TCERG1L: variants seen among roughly 807,000 people sequenced by gnomAD.
TCERG1L encodes transcription elongation regulator 1 like.
Under a neutral mutation model 56.3 loss-of-function variants are expected in TCERG1L, and 37 were observed. The observed-to-expected ratio is 0.66, with a 90% CI of 0.51 to 0.87. The LOEUF is 0.87. Among genes scored for constraint, TCERG1L ranks in the 40% least tolerant of loss-of-function variants. The pLI is 0.00. For missense variants in TCERG1L, 799 were observed against 774.2 expected, an observed-to-expected ratio of 1.03 and a Z score of -0.38; for synonymous variants, 324 against 326.3, an observed-to-expected ratio of 0.99 and a Z score of 0.08.
At chr10:131,241,513 A>G (rs1845971965) in intron 4 of TCERG1L, among the ~76,000 whole-genome samples, 1 of 152,148 alleles carries the variant, frequency 6.6e-6, no homozygotes, top group South Asian at 2.1e-4. Context: ...AAAACATAAG[A>G]GAGGACATGC....
At chr10:131,223,103 G>A (rs939243490) in intron 4 of TCERG1L, among the ~76,000 whole-genome samples, 3 of 152,290 alleles carry the variant, frequency 2.0e-5, no homozygotes, top group African/African-American at 7.2e-5. Context: ...AGAGGATGCC[G>A]GTCAGCCTGC....
intron 6 of TCERG1L, among the ~76,000 whole-genome samples, chr10:131,155,086 G>A (rs1417881640): frequency 6.6e-6 from 1 of 152,148 alleles, no homozygotes; most frequent in African/African-American, 2.4e-5. Context: ...AAAAAGACAC[G>A]AGGAAAGAGT....
chr10:131,260,318 G>A lies in TCERG1L; in HGVS notation c.797C>T (p.Pro266Leu), dbSNP rs1279366155. The change falls in exon 4 of 12, where the codon CCG (proline) becomes CTG (leucine). Residue 266 changes from proline to leucine, a missense_variant. Coordinates refer to ENST00000368642, the MANE Select transcript of TCERG1L (RefSeq NM_174937.4). The surrounding 1 kb of genome is among the most constrained non-coding windows in gnomAD (Gnocchi z 5.8). ...LRGPSPSSVQ[P>L]RHFLTLAPIK... ...GGGTGCCAAGGTCAGGAAGTGGCGCGGCTGCACGCTGGAGGGGGACGGGCC... is the reference window on the plus strand; with the variant it reads ...GGGTGCCAAGGTCAGGAAGTGGCGCAGCTGCACGCTGGAGGGGGACGGGCC... 15 of 1,454,926 alleles carry A rather than the reference G, an allele frequency of 1.0e-5. No individual in the cohort carries two copies. The highest frequency in any genetic ancestry group is 3.7e-4 in the Middle Eastern group (2 of 5,350). 90.1% of individuals were successfully genotyped at this position (1,454,926 alleles called of 1,614,324 possible).
chr10:131,143,337 C>T (rs1050770158), intron 7 of TCERG1L, among the ~76,000 whole-genome samples: 1 of 152,142 alleles, frequency 6.6e-6, no homozygotes, highest in Non-Finnish European at 1.5e-5. Context: ...GGCTCCGGGT[C>T]CTCCTCGACC....
chr10:131,138,067 G>A (rs1845694939), intron 7 of TCERG1L, among the ~76,000 whole-genome samples: 1 of 152,140 alleles, frequency 6.6e-6, no homozygotes, highest in South Asian at 2.1e-4. Context: ...TCAGGAGTTC[G>A]AGACCAGCCT....
intron 3 of TCERG1L, among the ~76,000 whole-genome samples, chr10:131,281,087 T>C (rs1369967572): frequency 6.6e-6 from 1 of 152,236 alleles, no homozygotes; most frequent in African/African-American, 2.4e-5. Context: ...AAAGCCTGCA[T>C]CAATGTTTAT....
At chr10:131,215,601 G>A (rs1391203349) in intron 4 of TCERG1L, among the ~76,000 whole-genome samples, 1 of 152,146 alleles carries the variant, frequency 6.6e-6, no homozygotes, top group Non-Finnish European at 1.5e-5. Context: ...AAGGGATTTC[G>A]GGAGAGTTAG....
chr10:131,264,099 C>A (rs1411979880), intron 3 of TCERG1L, among the ~76,000 whole-genome samples: 3 of 150,114 alleles, frequency 2.0e-5, no homozygotes, highest in Non-Finnish European at 4.4e-5. Flanking sequence ...CATCCCCCTG[C>A]ACTCCCCCTC....
intron 4 of TCERG1L, among the ~76,000 whole-genome samples, chr10:131,177,048 A>G (rs1025207343): frequency 9.1e-6 from 1 of 109,508 alleles, no homozygotes; most frequent in Non-Finnish European, 2.0e-5. Context: ...ATGCACACAC[A>G]CAGACGTATA....
rs1257156867 is a variant in TCERG1L at position 131,092,980 on chromosome 10, T to C, written c.*182A>G. ...TTAGAAATGCATCAAACTCTGAATGTACAAAAGAGAGAGCTTCAATATGAA... is the reference window on the plus strand; with the variant it reads ...TTAGAAATGCATCAAACTCTGAATGCACAAAAGAGAGAGCTTCAATATGAA... On this transcript the variant is annotated 3_prime_UTR_variant, in exon 12 of 12. Transcript: ENST00000368642. 1 of 576,626 alleles carries C rather than the reference T, an allele frequency of 1.7e-6. No homozygotes were observed. Among genetic ancestry groups the C allele is most frequent in the Non-Finnish European group, 3.0e-6 (1 of 333,118 alleles). The allele number at this position is 576,626 out of a possible 1,614,324, so 35.7% of individuals were successfully genotyped here. A position where few individuals can be genotyped will look rare whatever the true frequency, so the allele number is the denominator to read the frequency against.
intron 5 of TCERG1L, among the ~76,000 whole-genome samples, chr10:131,164,921 C>A (rs1031461926): frequency 2.0e-5 from 3 of 152,204 alleles, no homozygotes; most frequent in African/African-American, 7.2e-5. Flanking sequence ...GATGCTGTAC[C>A]AAAACCCAGC....
chr10:131,209,122 A>G (rs560917587), intron 4 of TCERG1L, among the ~76,000 whole-genome samples: 21 of 152,070 alleles, frequency 1.4e-4, no homozygotes, highest in African/African-American at 5.1e-4. Flanking sequence ...AAAATACTCC[A>G]TAAAATTACT....
At chr10:131,216,495 A>G (rs1211326312) in intron 4 of TCERG1L, among the ~76,000 whole-genome samples, 1 of 152,176 alleles carries the variant, frequency 6.6e-6, no homozygotes, top group Non-Finnish European at 1.5e-5. Context: ...TGGAAACTCT[A>G]TAGTAGATTT....
At chr10:131,123,930 T>C (rs751353103) in intron 8 of TCERG1L, among the ~76,000 whole-genome samples, 1 of 152,128 alleles carries the variant, frequency 6.6e-6, no homozygotes, top group Non-Finnish European at 1.5e-5. Context: ...TTTTTGAACA[T>C]CATGTGTTGT....
At chr10:131,154,753 G>T (rs1339628836) in intron 6 of TCERG1L, among the ~76,000 whole-genome samples, 1 of 152,170 alleles carries the variant, frequency 6.6e-6, no homozygotes, top group East Asian at 1.9e-4. Flanking sequence ...GCCGTGTCTG[G>T]CCATGGTTGC....
chr10:131,285,528 G>GAAAAGAAAAGA (rs1253618853), intron 3 of TCERG1L, among the ~76,000 whole-genome samples: 3 of 14,392 alleles, frequency 2.1e-4, no homozygotes, highest in Non-Finnish European at 2.9e-4. Flanking sequence ...AAGAAAGAGA[G>GAAAAGAAAAGA]AAAGAAAAGA....
chr10:131,168,853 C>T (rs1235344546), intron 4 of TCERG1L, among the ~76,000 whole-genome samples: 4 of 152,198 alleles, frequency 2.6e-5, no homozygotes, highest in Admixed American at 6.5e-5. Flanking sequence ...AGAGGCCTGC[C>T]AAGGCCGACC....
intron 3 of TCERG1L, among the ~76,000 whole-genome samples, chr10:131,265,827 G>A (rs115255070): frequency 0.025 from 3,820 of 152,352 alleles, 63 homozygotes; most frequent in Non-Finnish European, 0.032. Context: ...GTTGATGGCC[G>A]CTGACTGATC....
chr10:131,244,526 C>T (rs576818603), intron 4 of TCERG1L, among the ~76,000 whole-genome samples: 53 of 152,160 alleles, frequency 3.5e-4, no homozygotes, highest in African/African-American at 1.3e-3. Context: ...AAGTGTGATG[C>T]CCCCATGGTT....
Sources: allele counts gnomAD v4.1 joint callset (sites outside exome capture counted in the v4.1 genomes callset), GRCh38; gene constraint gnomAD v4.1.1; non-coding constraint Gnocchi (gnomAD v3.1); transcripts MANE v1.5; gene names NCBI Gene and HGNC (gene_info 2026-07-23, HGNC 2026-07-21).